The following HPCAL1 variants were observed in gnomAD, a reference collection of about 807,000 sequenced individuals.
The protein encoded by HPCAL1 is hippocalcin like 1, also known as hippocalcin-like protein 1.
HPCAL1 carries 8 observed loss-of-function variants against 17.1 expected under a neutral mutation model. The observed-to-expected ratio is 0.47, with a 90% CI of 0.27 to 0.84. The LOEUF (loss-of-function observed/expected upper bound fraction) is 0.84, where lower values mean the gene tolerates loss of function less well. Ranked by LOEUF, HPCAL1 falls within the 40% of genes least tolerant of loss-of-function variation. The probability of loss-of-function intolerance (pLI) is 0.13; values close to 1 mark genes in which losing one functional copy is unlikely to be tolerated. For missense variants in HPCAL1, 165 were observed against 271.1 expected, an observed-to-expected ratio of 0.61 and a Z score of 2.75; for synonymous variants, 112 against 111.4, an observed-to-expected ratio of 1.01 and a Z score of -0.03.
intron 1 of HPCAL1, among the ~76,000 whole-genome samples, chr2:10,371,040 G>C (rs553668026): frequency 6.6e-6 from 1 of 152,198 alleles, no homozygotes; most frequent in Non-Finnish European, 1.5e-5. Flanking sequence ...GCACCTCCAG[G>C]CTGCAGGGTC....
At chr2:10,348,748 C>T (rs1038602279) in intron 1 of HPCAL1, among the ~76,000 whole-genome samples, 4 of 152,132 alleles carry the variant, frequency 2.6e-5, no homozygotes, top group African/African-American at 9.7e-5. Context: ...CACTGCACTC[C>T]AGCCTGAGCG....
In HPCAL1 at chr2:10,344,173, C is replaced by G. The variant is rs1015823127; in HGVS notation, c.-111+40996C>G. Among the ~76,000 whole-genome samples the G allele has an allele frequency of 6.6e-6, 1 of 152,210 alleles. No individual in the cohort carries two copies. Among genetic ancestry groups the G allele is most frequent in the African/African-American group, 2.4e-5 (1 of 41,460 alleles). ...AACTCATTAACCCTACAGCTTTGAT[C>G]TCGAAGTCTCGGCCGCTCCTGGCTC... On this transcript the variant is annotated intron_variant, in intron 1 of 4. Transcript: ENST00000307845. The surrounding 1 kb of genome is among the most constrained non-coding windows in gnomAD (Gnocchi z 4.9).
At chr2:10,332,103 G>A (rs543875593) in intron 1 of HPCAL1, among the ~76,000 whole-genome samples, 6 of 152,198 alleles carry the variant, frequency 3.9e-5, no homozygotes, top group Admixed American at 1.3e-4. Flanking sequence ...CTTGTCACCC[G>A]TTGTCAGGTG....
chr2:10,361,305 CGTT>C (rs1215970360), intron 1 of HPCAL1, among the ~76,000 whole-genome samples: 4 of 151,640 alleles, frequency 2.6e-5, no homozygotes, highest in Admixed American at 6.6e-5. Context: ...ACTGTGGCCT[CGTT>C]GTCTAATGAG....
intron 2 of HPCAL1, among the ~76,000 whole-genome samples, chr2:10,412,973 CT>C (rs1284078891): frequency 6.6e-6 from 1 of 151,924 alleles, no homozygotes; most frequent in Non-Finnish European, 1.5e-5. Flanking sequence ...AGGTATTGTA[CT>C]ATTTTTGGGT....
intron 1 of HPCAL1, among the ~76,000 whole-genome samples, chr2:10,345,950 A>G (rs761496933): frequency 6.6e-6 from 1 of 152,186 alleles, no homozygotes; most frequent in Non-Finnish European, 1.5e-5. Flanking sequence ...AAGCACACAG[A>G]TGGTCTGTTG....
At chr2:10,368,813 C>T (rs1667026652) in intron 1 of HPCAL1, 1 of 152,152 alleles carries the variant, frequency 6.6e-6, no homozygotes, top group Non-Finnish European at 1.5e-5. Context: ...TCCGGCAGCT[C>T]CAAAATGGCA....
rs370407433 is a variant in HPCAL1 at position 10,370,551 on chromosome 2, G to A, written c.-110-26284G>A. Among the ~76,000 whole-genome samples, 13 of 152,338 alleles carry A rather than the reference G, an allele frequency of 8.5e-5. 1 individual carries two copies. The highest frequency in any genetic ancestry group is 2.9e-4 in the African/African-American group (12 of 41,588). ...AGCCACTTTGTCTGGTCCCCAGAGC[G>A]GGGTCTAACATGTGGGAACTGAGCA... On this transcript the variant is annotated intron_variant, in intron 1 of 4. Transcript: ENST00000307845.
In HPCAL1 at chr2:10,304,218, G is replaced by A. The variant is rs1320628343; in HGVS notation, c.-111+1041G>A. Among the ~76,000 whole-genome samples, 1 of 151,882 alleles carries A rather than the reference G, an allele frequency of 6.6e-6. No individual in the cohort carries two copies. Among genetic ancestry groups the A allele is most frequent in the Non-Finnish European group, 1.5e-5 (1 of 67,934 alleles). On this transcript the variant is annotated intron_variant, in intron 1 of 4. Coordinates refer to ENST00000307845, the MANE Select transcript of HPCAL1 (RefSeq NM_002149.4). The surrounding 1 kb of genome is among the most constrained non-coding windows in gnomAD (Gnocchi z 4.1). Reference sequence around the variant, plus strand: ...CCCAGGCTCCCGCGCAAGCGTGGGGGTCCCTCTCCTGGCCGGGAGGCAGCG... The same window carrying A: ...CCCAGGCTCCCGCGCAAGCGTGGGGATCCCTCTCCTGGCCGGGAGGCAGCG...
intron 4 of HPCAL1, chr2:10,423,423 G>A (rs1026715406): frequency 2.7e-5 from 7 of 255,780 alleles, no homozygotes; most frequent in Non-Finnish European, 4.7e-5. Context: ...CCTGAACCTG[G>A]AGGGGTTGAG....
intron 1 of HPCAL1, among the ~76,000 whole-genome samples, chr2:10,389,011 G>A (rs1668514822): frequency 6.6e-6 from 1 of 152,140 alleles, no homozygotes; most frequent in East Asian, 1.9e-4. Context: ...GACGTAGGAG[G>A]CGGGACTCGA....
At chr2:10,413,850 C>T (rs550620298) in intron 2 of HPCAL1, among the ~76,000 whole-genome samples, 1 of 152,342 alleles carries the variant, frequency 6.6e-6, no homozygotes, top group East Asian at 1.9e-4. Flanking sequence ...ATTCTTAAGG[C>T]AGTGATCCTC....
At chr2:10,361,717 T>A (rs533238936) in intron 1 of HPCAL1, among the ~76,000 whole-genome samples, 1,707 of 119,976 alleles carry the variant, frequency 0.014, 38 homozygotes, top group African/African-American at 0.048. Context: ...ACTTCTTAAA[T>A]TTTTTTTTTT....
chr2:10,397,834 G>A (rs1367683088), intron 2 of HPCAL1, among the ~76,000 whole-genome samples: 1 of 152,198 alleles, frequency 6.6e-6, no homozygotes, highest in Non-Finnish European at 1.5e-5. Context: ...GTTTGGTTTT[G>A]TTTGTAAGCA....
rs1194884217 is a variant in HPCAL1 at position 10,365,521 on chromosome 2, C to T, written c.-110-31314C>T. 6.6e-6 allele frequency among the ~76,000 whole-genome samples: 1 copy of T among 152,136 alleles called. No homozygotes were observed. Among genetic ancestry groups the T allele is most frequent in the Non-Finnish European group, 1.5e-5 (1 of 68,014 alleles). On this transcript the variant is annotated intron_variant, in intron 1 of 4. Coordinates refer to ENST00000307845, the MANE Select transcript of HPCAL1 (RefSeq NM_002149.4). The surrounding 1 kb of genome is among the most constrained non-coding windows in gnomAD (Gnocchi z 4.8). ...TCCCATGGATGGCTTTTCTTGGAGG[C>T]TGCAGCCAGGAGCCATTGTTTCTCT... is the stretch of plus-strand genomic sequence containing the variant.
At chr2:10,306,423 T>C (rs1194688898) in intron 1 of HPCAL1, among the ~76,000 whole-genome samples, 1 of 152,140 alleles carries the variant, frequency 6.6e-6, no homozygotes, top group Non-Finnish European at 1.5e-5. Context: ...TGCTCTCCTA[T>C]GGTAGCAGGG....
chr2:10,334,711 G>T (rs879842092), intron 1 of HPCAL1, among the ~76,000 whole-genome samples: 1 of 143,784 alleles, frequency 7.0e-6, no homozygotes, highest in African/African-American at 2.6e-5. Context: ...TTTGAGGCAG[G>T]GTCTCGCTCT....
At chr2:10,368,187 ATG>A (rs1241046560) in intron 1 of HPCAL1, among the ~76,000 whole-genome samples, 3 of 147,138 alleles carry the variant, frequency 2.0e-5, no homozygotes, top group Non-Finnish European at 4.5e-5. Flanking sequence ...AGGTTTGTGC[ATG>A]TGTGTGCATA....
Position 10,359,280 on chromosome 2 carries a change from G to C in HPCAL1, c.-110-37555G>C, listed in dbSNP as rs1483884090. On this transcript the variant is annotated intron_variant, in intron 1 of 4. Coordinates refer to ENST00000307845, the MANE Select transcript of HPCAL1 (RefSeq NM_002149.4). The surrounding 1 kb of genome is among the most constrained non-coding windows in gnomAD (Gnocchi z 4.1). Reference sequence around the variant, plus strand: ...TGTTTGCTGCGGGCTGGCTCGGCGAGGGGGAGGTGGGCAGCTGGGGGCTCT... The same window carrying C: ...TGTTTGCTGCGGGCTGGCTCGGCGACGGGGAGGTGGGCAGCTGGGGGCTCT... Among the ~76,000 whole-genome samples the C allele has an allele frequency of 1.3e-5, 2 of 152,224 alleles. No individual in the cohort carries two copies. Among genetic ancestry groups the C allele is most frequent in the African/African-American group, 2.4e-5 (1 of 41,462 alleles).
Sources: allele counts gnomAD v4.1 joint callset (sites outside exome capture counted in the v4.1 genomes callset), GRCh38; gene constraint gnomAD v4.1.1; non-coding constraint Gnocchi (gnomAD v3.1); transcripts MANE v1.5; gene names NCBI Gene and HGNC (gene_info 2026-07-23, HGNC 2026-07-21).